Variants in RAD51AP1 observed in about 807,000 individuals in gnomAD.
RAD51AP1 encodes RAD51-associated protein 1.
In RAD51AP1, 14 loss-of-function variants were observed where a neutral mutation model predicts 34.3. The observed-to-expected ratio is 0.41, with a 90% CI of 0.27 to 0.64. The LOEUF (loss-of-function observed/expected upper bound fraction) is 0.64. RAD51AP1 is among the 30% of genes least tolerant of loss of function. The pLI is 0.33. For missense variants in RAD51AP1, 348 were observed against 386.9 expected (o/e 0.90, Z 0.84); for synonymous variants, 114 against 129.8 (o/e 0.88, Z 0.83).
Position 4,553,133 on chromosome 12 carries a change from A to G in RAD51AP1, c.707A>G (p.Lys236Arg), listed in dbSNP as rs201318970. 45 of 1,582,096 alleles carry G rather than the reference A, an allele frequency of 2.8e-5. No homozygotes were observed. Among genetic ancestry groups the G allele is most frequent in the Non-Finnish European group, 3.8e-5 (44 of 1,168,236 alleles). Residue 236 changes from lysine to arginine, a missense_variant, in exon 7 of 9, where the codon AAA becomes AGA. By Grantham distance (26) the Lys-to-Arg change is conservative. Transcript: ENST00000352618. ...VEKKEKKSKSKCNALVTSVDS... is the reference protein window; with the variant it reads ...VEKKEKKSKSRCNALVTSVDS... The stretch of plus-strand genomic sequence containing the variant: ...AAGAAAGAGAAGAAATCTAAATCCA[A>G]ATGTAATGCTTTGGGTAAGCTTGGT...
intron 4 of RAD51AP1, among the ~76,000 whole-genome samples, chr12:4,547,749 A>G (rs1170836504): frequency 6.6e-6 from 1 of 152,230 alleles, no homozygotes; most frequent in East Asian, 1.9e-4. Flanking sequence ...CACAATAATA[A>G]GCAATTCCTA....
chr12:4,558,835 C>T, intron 8 of RAD51AP1, 22 bp from the exon 9 acceptor site: 1 of 1,602,752 alleles, frequency 6.2e-7, no homozygotes, highest in Non-Finnish European at 8.5e-7. Context: ...TCATCAGCAT[C>T]ACATCATATG....
Position 4,548,767 on chromosome 12 carries a change from C to G in RAD51AP1, c.487C>G (p.Gln163Glu). 1 of 1,614,072 alleles carries G rather than the reference C, an allele frequency of 6.2e-7. No individual in the cohort carries two copies. The highest frequency in any genetic ancestry group is 8.5e-7 in the Non-Finnish European group (1 of 1,179,952). Residue 163 changes from glutamine (Q) to glutamate (E), a missense_variant, in exon 6 of 9, where the codon CAG becomes GAG. Coordinates refer to ENST00000352618, the MANE Select transcript of RAD51AP1 (RefSeq NM_006479.5). ...RKAASKAAAQ[Q>E]RKILLEGSDG... The stretch of plus-strand genomic sequence containing the variant: ...AGCAGCATCTAAAGCTGCAGCACAG[C>G]AGAGGAAGATTCTTCTGGAAGGCAG...
chr12:4,540,683 T>A (rs930979421), intron 1 of RAD51AP1, among the ~76,000 whole-genome samples: 24 of 152,230 alleles, frequency 1.6e-4, no homozygotes, highest in African/African-American at 5.5e-4. Context: ...TTTACTATTA[T>A]TCAAGTTCAG....
At chr12:4,545,680 T>G in intron 3 of RAD51AP1, 1 of 1,228,612 alleles carries the variant, frequency 8.1e-7, no homozygotes, top group Non-Finnish European at 1.2e-6. Flanking sequence ...CCTCTTATAC[T>G]CCATAGCACT....
chr12:4,554,008 C>G (rs2137285373), intron 7 of RAD51AP1, among the ~76,000 whole-genome samples: 1 of 151,970 alleles, frequency 6.6e-6, no homozygotes, highest in South Asian at 2.1e-4. Context: ...ATTCTTCTCT[C>G]TCCTGTATTT....
At chr12:4,548,041 A>G in intron 4 of RAD51AP1, 51 bp from the exon 5 acceptor site, 1 of 1,515,710 alleles carries the variant, frequency 6.6e-7, no homozygotes, top group Non-Finnish European at 8.9e-7. Context: ...TCCTATATCT[A>G]GACATTGATT....
chr12:4,552,637 A>G (rs1944554458), intron 6 of RAD51AP1, among the ~76,000 whole-genome samples: 1 of 152,254 alleles, frequency 6.6e-6, no homozygotes, highest in Admixed American at 6.5e-5. Flanking sequence ...TGGGAAATTT[A>G]TAGTGATGGT....
chr12:4,538,896 A>G lies in RAD51AP1; in HGVS notation c.-44A>G, dbSNP rs1239237665. ...GGGAATTGAAACCGCCGCTGAAGCC[A>G]ACAAGAATTTGAGAACTGTAAATAC... On this transcript the variant is annotated 5_prime_UTR_variant, in exon 1 of 9. Transcript: ENST00000352618. 1.9e-6 allele frequency: 3 copies of G among 1,611,858 alleles called. No individual in the cohort carries two copies. The highest frequency in any genetic ancestry group is 2.5e-6 in the Non-Finnish European group (3 of 1,178,200).
chr12:4,558,753 C>G, intron 8 of RAD51AP1, 104 bp from the exon 9 acceptor site: 1 of 1,354,846 alleles, frequency 7.4e-7, no homozygotes, highest in Non-Finnish European at 1.0e-6. Flanking sequence ...CACTGGAAAG[C>G]AGAATAATGC....
rs1233817048 is a variant in RAD51AP1, at chr12:4,548,582, AC to A, written c.407-103del. 9 of 1,344,796 alleles carry A rather than the reference AC, an allele frequency of 6.7e-6. No individual in the cohort carries two copies. In the African/African-American group the frequency reaches 7.3e-5, roughly 11 times the overall value. The allele number at this position is 1,344,796 out of a possible 1,614,324, so 83.3% of individuals were successfully genotyped here. ...ATTACTGGAAGCATGGGAGGGATGAACCTGGGCAAATAAAAACAATAGCTGT... is the reference window on the plus strand; with the variant it reads ...ATTACTGGAAGCATGGGAGGGATGAACTGGGCAAATAAAAACAATAGCTGT... On this transcript the variant is annotated intron_variant, in intron 5 of 8. Coordinates refer to ENST00000352618, the MANE Select transcript of RAD51AP1 (RefSeq NM_006479.5).
chr12:4,539,887 A>G (rs1944446131), intron 1 of RAD51AP1, among the ~76,000 whole-genome samples: 1 of 152,160 alleles, frequency 6.6e-6, no homozygotes, highest in African/African-American at 2.4e-5. Flanking sequence ...GAGGGTTTTA[A>G]GTAGGGGAGA....
At chr12:4,552,068 G>C (rs74059627) in intron 6 of RAD51AP1, among the ~76,000 whole-genome samples, 1 of 152,058 alleles carries the variant, frequency 6.6e-6, no homozygotes, top group South Asian at 2.1e-4. Flanking sequence ...TGTATGGTCT[G>C]TATTTTCTAC....
At position 4,548,035 on chromosome 12, in the gene RAD51AP1, A is replaced by G. The variant is rs965753324; in HGVS notation, c.320-57A>G. ...ATTACATTTTAGTACTAATTTTCCTATATCTAGACATTGATTAAGATATAT... is the reference window on the plus strand; with the variant it reads ...ATTACATTTTAGTACTAATTTTCCTGTATCTAGACATTGATTAAGATATAT... On this transcript the variant is annotated intron_variant, in intron 4 of 8. Coordinates refer to ENST00000352618, the MANE Select transcript of RAD51AP1 (RefSeq NM_006479.5). The G allele has an allele frequency of 2.2e-5, 33 of 1,497,958 alleles. No homozygotes were observed. In the African/African-American group the frequency reaches 4.2e-4, roughly 19 times the overall value. 92.8% of individuals were successfully genotyped at this position (1,497,958 alleles called of 1,614,324 possible).
chr12:4,545,694 G>A (rs11063223), intron 3 of RAD51AP1: 26,951 of 1,423,994 alleles, frequency 0.019, 294 homozygotes, highest in Non-Finnish European at 0.022. Context: ...TAGCACTTTT[G>A]AGCAGCTTGA....
chr12:4,547,605 G>A (rs1944515701), intron 4 of RAD51AP1, among the ~76,000 whole-genome samples: 1 of 152,098 alleles, frequency 6.6e-6, no homozygotes, highest in Non-Finnish European at 1.5e-5. Flanking sequence ...CAATTATTAT[G>A]TCTTAAAGTC....
rs551239447 is a variant in RAD51AP1 at position 4,559,934 on chromosome 12, C to T, written c.*941C>T. 6.6e-6 allele frequency: 1 copy of T among 152,242 alleles called. No homozygotes were observed. Among genetic ancestry groups the T allele is most frequent in the African/African-American group, 2.4e-5 (1 of 41,546 alleles). The allele number at this position is 152,242 out of a possible 1,614,324, so 9.4% of individuals were successfully genotyped here. A position where few individuals can be genotyped will look rare whatever the true frequency, so the allele number is the denominator to read the frequency against. On this transcript the variant is annotated 3_prime_UTR_variant, in exon 9 of 9. Transcript: ENST00000352618. ...AATTTTTAATAAAAAATTTTCAAAT[C>T]ATGTTAGCTGTTAAAAAATGTATAA...
chr12:4,542,037 T>C lies in RAD51AP1; in HGVS notation c.67+104T>C, dbSNP rs915475100. On this transcript the variant is annotated intron_variant, in intron 2 of 8. Coordinates refer to ENST00000352618, the MANE Select transcript of RAD51AP1 (RefSeq NM_006479.5). ...ACACTGACTAAATTGCCCAAATGCA[T>C]ATGAGGTAGGTCTGGAAAGATAGTT... is the stretch of plus-strand genomic sequence containing the variant. 6.6e-5 allele frequency: 38 copies of C among 574,320 alleles called. 1 individual carries two copies. Among genetic ancestry groups the C allele is most frequent in the Non-Finnish European group, 9.6e-5 (33 of 342,002 alleles). The allele number at this position is 574,320 out of a possible 1,614,324, so 35.6% of individuals were successfully genotyped here.
At chr12:4,552,380 G>A (rs557840426) in intron 6 of RAD51AP1, among the ~76,000 whole-genome samples, 24 of 152,276 alleles carry the variant, frequency 1.6e-4, no homozygotes, top group African/African-American at 4.6e-4. Context: ...GTGCAGAAAA[G>A]CATTTTTGAG....
Sources: gnomAD v4.1 joint callset for allele counts (sites outside exome capture counted in the v4.1 genomes callset) on GRCh38, gnomAD v4.1.1 for gene constraint, MANE v1.5 for transcripts, NCBI Gene and HGNC (gene_info 2026-07-23, HGNC 2026-07-21) for gene names.